ACADM: variants seen among roughly 807,000 people sequenced by gnomAD.
The protein encoded by ACADM is acyl-CoA dehydrogenase medium chain.
ACADM carries 49 observed loss-of-function variants against 58.9 expected under a neutral mutation model. The observed-to-expected ratio is 0.83, with a 90% CI of 0.66 to 1.06. The LOEUF is 1.06. Ranked by LOEUF, ACADM falls within the 50% of genes least tolerant of loss-of-function variation. ACADM has a pLI of 0.00. For synonymous variants in ACADM, 160 were observed against 157.7 expected (o/e 1.01, Z -0.11); for missense variants, 496 against 507.0 (o/e 0.98, Z 0.21).
chr1:75,749,625 C>A, intron 9 of ACADM, 66 bp downstream of exon 9: 3 of 1,410,692 alleles, frequency 2.1e-6, no homozygotes, highest in East Asian at 2.6e-5. Context: ...AGTATTTTTA[C>A]TTTAAAATTG....
At chr1:75,738,525 G>A (rs965675787) in intron 6 of ACADM, among the ~76,000 whole-genome samples, 8 of 152,024 alleles carry the variant, frequency 5.3e-5, no homozygotes, top group South Asian at 2.1e-4. Flanking sequence ...CACCACGCCC[G>A]GCCCTAAGTA....
chr1:75,761,500 C>A, intron 11 of ACADM, 130 bp downstream of exon 11: 1 of 979,850 alleles, frequency 1.0e-6, no homozygotes, highest in Non-Finnish European at 1.6e-6. Context: ...TGGCTGTGAG[C>A]CAGTTTTTGG....
chr1:75,753,946 C>A (rs1422317684), intron 10 of ACADM, among the ~76,000 whole-genome samples: 1 of 144,508 alleles, frequency 6.9e-6, no homozygotes, highest in East Asian at 2.0e-4. Flanking sequence ...TAGGTGTGAG[C>A]CACCATGCTC....
In ACADM at chr1:75,749,462, T is replaced by C. The variant is rs1052855363; in HGVS notation, c.752T>C (p.Val251Ala). ...CGATGTTCAGATACTAGAGGAATTG[T>C]CTTCGAAGATGTGAAAGTGCCTAAA... The part of the protein sequence containing the change: ...GQRCSDTRGI[V>A]FEDVKVPKEN... The change falls in exon 9 of 12, where the codon GTC becomes GCC. Residue 251 changes from valine to alanine, a missense_variant. Coordinates refer to ENST00000370841, the MANE Select transcript of ACADM (RefSeq NM_000016.6). 9.9e-6 allele frequency: 16 copies of C among 1,613,976 alleles called. No homozygotes were observed. The highest frequency in any genetic ancestry group is 1.4e-5 in the Non-Finnish European group (16 of 1,179,980).
intron 7 of ACADM, chr1:75,743,880 G>T: frequency 7.0e-7 from 1 of 1,425,310 alleles, no homozygotes; most frequent in South Asian, 1.1e-5. Context: ...CAATCACTGC[G>T]TTTACAACAG....
chr1:75,728,639 T>C (rs1239068384), intron 2 of ACADM, 151 bp downstream of exon 2: 2 of 629,534 alleles, frequency 3.2e-6, no homozygotes, highest in East Asian at 3.0e-5. Flanking sequence ...TAACTCACAC[T>C]CCATTCTTCC....
chr1:75,729,898 T>TC (rs1354349402), intron 2 of ACADM, among the ~76,000 whole-genome samples: 1 of 128,754 alleles, frequency 7.8e-6, no homozygotes, highest in Non-Finnish European at 1.6e-5. Context: ...TTTTTTTTTT[T>TC]TTTTTTTTTT....
chr1:75,754,455 C>T (rs575522436), intron 10 of ACADM, among the ~76,000 whole-genome samples: 1 of 152,154 alleles, frequency 6.6e-6, no homozygotes, highest in East Asian at 1.9e-4. Flanking sequence ...TGTGATCCAC[C>T]CACCTTGGCC....
At chr1:75,733,442 T>C in intron 4 of ACADM, 86 bp from the exon 5 acceptor site, 9 of 1,331,640 alleles carry the variant, frequency 6.8e-6, no homozygotes, top group Non-Finnish European at 9.7e-6. Context: ...ATTTTGGTCA[T>C]ATTGAAAGCA....
chr1:75,756,908 T>C (rs1648538813), intron 10 of ACADM, among the ~76,000 whole-genome samples: 2 of 152,140 alleles, frequency 1.3e-5, no homozygotes. Context: ...TAATACCACA[T>C]GTCTACAACC....
chr1:75,744,745 G>T, intron 7 of ACADM: 6 of 726,724 alleles, frequency 8.3e-6, no homozygotes, highest in Middle Eastern at 3.1e-4. Context: ...GTGGCTGAAC[G>T]CCCGGGACAC....
chr1:75,755,304 T>A (rs540018862), intron 10 of ACADM, among the ~76,000 whole-genome samples: 16 of 152,344 alleles, frequency 1.1e-4, no homozygotes, highest in African/African-American at 3.6e-4. Flanking sequence ...ACAGACAGAC[T>A]GCCTCCTCAA....
At chr1:75,749,642 C>A in intron 9 of ACADM, 83 bp downstream of exon 9, 1 of 1,246,744 alleles carries the variant, frequency 8.0e-7, no homozygotes, top group Non-Finnish European at 1.1e-6. Context: ...ATTGTATGTT[C>A]AGTGTGTTTC....
chr1:75,728,338 T>G, intron 1 of ACADM, 63 bp from the exon 2 acceptor site: 1 of 1,333,382 alleles, frequency 7.5e-7, no homozygotes, highest in South Asian at 1.3e-5. Context: ...TGATTATCAG[T>G]AGTCTCTTAT....
At chr1:75,728,334 T>G (rs1647087704) in intron 1 of ACADM, 67 bp from the exon 2 acceptor site, 1 of 1,312,118 alleles carries the variant, frequency 7.6e-7, no homozygotes, top group South Asian at 1.3e-5. Flanking sequence ...CTTATGATTA[T>G]CAGTAGTCTC....
intron 2 of ACADM, among the ~76,000 whole-genome samples, chr1:75,731,813 C>T (rs1305224160): frequency 6.6e-6 from 1 of 152,038 alleles, no homozygotes; most frequent in Non-Finnish European, 1.5e-5. Flanking sequence ...TTGCTTGAGG[C>T]CACGAGTTCA....
At position 75,728,466 on chromosome 1, in the gene ACADM, A is replaced by C; in HGVS notation, c.96A>C (p.Glu32Asp). 6.2e-7 allele frequency: 1 copy of C among 1,613,380 alleles called. No individual in the cohort carries two copies. The highest frequency in any genetic ancestry group is 1.1e-5 in the South Asian group (1 of 91,072). ...ATACAAAAGCCAATCGACAACGTGA[A>C]CCAGGATTAGGATTTAGTTTTGGTA... Reference protein sequence around the residue: ...SQHTKANRQREPGLGFSFEFT... With the variant: ...SQHTKANRQRDPGLGFSFEFT... Residue 32 changes from glutamate (E) to aspartate (D), a missense_variant, in exon 2 of 12, where the codon GAA becomes GAC. Glu to Asp is a conservative substitution (Grantham distance 45, BLOSUM62 2). Transcript: ENST00000370841.
chr1:75,746,531 A>T (rs1161206381), intron 8 of ACADM, among the ~76,000 whole-genome samples: 2 of 152,146 alleles, frequency 1.3e-5, no homozygotes, highest in East Asian at 3.8e-4. Flanking sequence ...AGAGTTTAAA[A>T]TTTTATAAAT....
At chr1:75,748,734 A>C (rs113614395) in intron 8 of ACADM, among the ~76,000 whole-genome samples, 1 of 152,224 alleles carries the variant, frequency 6.6e-6, no homozygotes, top group African/African-American at 2.4e-5. Context: ...GAAATTGACT[A>C]TAAAGGGAGA....
Sources: allele counts gnomAD v4.1 joint callset (sites outside exome capture counted in the v4.1 genomes callset), GRCh38; gene constraint gnomAD v4.1.1; transcripts MANE v1.5; gene names NCBI Gene and HGNC (gene_info 2026-07-23, HGNC 2026-07-21).